Variants in GALNT17 observed in about 807,000 individuals in gnomAD.
GALNT17 encodes the protein polypeptide N-acetylgalactosaminyltransferase 17.
Under a neutral mutation model 63.7 loss-of-function variants are expected in GALNT17, and 29 were observed. That is an observed-to-expected ratio of 0.46 (90% CI 0.34 to 0.62). GALNT17 has a LOEUF of 0.62. Among genes scored for constraint, GALNT17 ranks in the 20% least tolerant of loss-of-function variants. The probability of loss-of-function intolerance (pLI) is 0.01; values close to 1 mark genes in which losing one functional copy is unlikely to be tolerated. For missense variants in GALNT17, 603 were observed against 799.6 expected (o/e 0.75, Z 2.97); for synonymous variants, 305 against 318.3 (o/e 0.96, Z 0.45).
At chr7:71,401,306 A>G (rs556049038) in intron 3 of GALNT17, among the ~76,000 whole-genome samples, 66 of 152,238 alleles carry the variant, frequency 4.3e-4, no homozygotes, top group African/African-American at 1.5e-3. Flanking sequence ...CATGTTGGCC[A>G]GGCTGGTCTC....
At chr7:71,418,626 C>T (rs954137575) in intron 4 of GALNT17, among the ~76,000 whole-genome samples, 1 of 152,194 alleles carries the variant, frequency 6.6e-6, no homozygotes, top group Non-Finnish European at 1.5e-5. Context: ...ATCCCATTGG[C>T]AAACCAATTC....
intron 1 of GALNT17, among the ~76,000 whole-genome samples, chr7:71,259,798 C>T (rs552050623): frequency 2.6e-4 from 40 of 151,958 alleles, no homozygotes; most frequent in African/African-American, 7.7e-4. Flanking sequence ...CCCACCACCA[C>T]GCCTGGCTAA....
At chr7:71,417,704 T>C (rs1786565629) in intron 4 of GALNT17, among the ~76,000 whole-genome samples, 1 of 152,194 alleles carries the variant, frequency 6.6e-6, no homozygotes, top group South Asian at 2.1e-4. Context: ...TGAAAAAGAT[T>C]CAGGCGAATG....
At chr7:71,261,326 A>C (rs1790381815) in intron 1 of GALNT17, among the ~76,000 whole-genome samples, 1 of 152,150 alleles carries the variant, frequency 6.6e-6, no homozygotes, top group Non-Finnish European at 1.5e-5. Flanking sequence ...CAGGTGCTTG[A>C]GGAAGTTATT....
At chr7:71,377,683 A>G (rs926987263) in intron 2 of GALNT17, among the ~76,000 whole-genome samples, 2 of 152,106 alleles carry the variant, frequency 1.3e-5, no homozygotes, top group African/African-American at 4.8e-5. Flanking sequence ...CGTAATCCCC[A>G]TGTGTCAAGG....
chr7:71,379,435 A>T (rs1792803264), intron 2 of GALNT17, among the ~76,000 whole-genome samples: 1 of 151,948 alleles, frequency 6.6e-6, no homozygotes, highest in African/African-American at 2.4e-5. Context: ...TACTCTAGAG[A>T]GGTCATTCTG....
At position 71,655,877 on chromosome 7, in the gene GALNT17, C is replaced by T. The variant is rs78688618; in HGVS notation, c.1081-9534C>T. On this transcript the variant is annotated intron_variant, in intron 6 of 10. Coordinates refer to ENST00000333538, the MANE Select transcript of GALNT17 (RefSeq NM_022479.3). ...CGTTTGGGAAGAGACTCAAATCTAG[C>T]TCGTGTTGAGTTCTATAAGGGCCCT... Among the ~76,000 whole-genome samples the T allele has an allele frequency of 5.3e-3, 813 of 152,136 alleles. 10 individuals are homozygous for T. The highest frequency in any genetic ancestry group is 0.018 in the African/African-American group (751 of 41,500).
At chr7:71,202,102 C>A (rs2116369650) in intron 1 of GALNT17, among the ~76,000 whole-genome samples, 1 of 152,140 alleles carries the variant, frequency 6.6e-6, no homozygotes, top group East Asian at 1.9e-4. Context: ...CATTCCTTTC[C>A]CCCAAATAGT....
chr7:71,665,096 G>A (rs1272016483), intron 6 of GALNT17, among the ~76,000 whole-genome samples: 1 of 152,112 alleles, frequency 6.6e-6, no homozygotes, highest in Middle Eastern at 3.2e-3. Context: ...TTGTGCCTCA[G>A]CCTCCTGAGT....
At chr7:71,320,424 T>A (rs28429863) in intron 1 of GALNT17, among the ~76,000 whole-genome samples, 8 of 145,276 alleles carry the variant, frequency 5.5e-5, no homozygotes, top group Admixed American at 1.4e-4. Flanking sequence ...AAAAAAAAAA[T>A]TTTTTTTTTA....
intron 9 of GALNT17, among the ~76,000 whole-genome samples, chr7:71,698,211 T>G (rs1431647092): frequency 2.0e-5 from 3 of 152,104 alleles, no homozygotes; most frequent in African/African-American, 7.2e-5. Context: ...CCAGACATTT[T>G]CAGATAAACT....
chr7:71,392,048 C>T (rs1793061386), intron 3 of GALNT17, among the ~76,000 whole-genome samples: 1 of 152,138 alleles, frequency 6.6e-6, no homozygotes, highest in African/African-American at 2.4e-5. Flanking sequence ...CCCCATGACC[C>T]AAACATTTCC....
intron 1 of GALNT17, among the ~76,000 whole-genome samples, chr7:71,141,746 G>A (rs1437593585): frequency 6.7e-6 from 1 of 148,224 alleles, no homozygotes; most frequent in African/African-American, 2.5e-5. Flanking sequence ...GCATGATCTC[G>A]GCTCACTGCA....
chr7:71,227,926 A>T (rs970571556), intron 1 of GALNT17, among the ~76,000 whole-genome samples: 14 of 152,018 alleles, frequency 9.2e-5, no homozygotes, highest in Non-Finnish European at 1.8e-4. Flanking sequence ...GCTAGGTGCT[A>T]TGTCGGTTTC....
chr7:71,594,031 T>TG (rs397757426), intron 6 of GALNT17, among the ~76,000 whole-genome samples: 1 of 151,714 alleles, frequency 6.6e-6, no homozygotes, highest in Non-Finnish European at 1.5e-5. Context: ...CATTTTTTTT[T>TG]AATGTTTTGG....
rs537159563 is a variant in GALNT17, at chr7:71,204,934, C to T, written c.238+71894C>T. ...TAAATTTTTGTATTTTTAGTAGAGA[C>T]GGGGTTTCACCATGTTGGCCAGCCT... On this transcript the variant is annotated intron_variant, in intron 1 of 10. Coordinates refer to ENST00000333538, the MANE Select transcript of GALNT17 (RefSeq NM_022479.3). Among the ~76,000 whole-genome samples the T allele has an allele frequency of 6.6e-5, 10 of 151,832 alleles. 1 individual carries two copies. Among genetic ancestry groups the T allele is most frequent in the African/African-American group, 1.4e-4 (6 of 41,454 alleles).
intron 6 of GALNT17, among the ~76,000 whole-genome samples, chr7:71,659,431 G>A (rs1309905955): frequency 6.6e-6 from 1 of 152,158 alleles, no homozygotes; most frequent in African/African-American, 2.4e-5. Context: ...GGTTGTCTTG[G>A]GGGTGTACAG....
At chr7:71,541,230 G>A (rs1418553544) in intron 5 of GALNT17, among the ~76,000 whole-genome samples, 1 of 111,676 alleles carries the variant, frequency 9.0e-6, no homozygotes, top group Non-Finnish European at 1.9e-5. Flanking sequence ...GCAACAAAGC[G>A]AGACACTGTC....
chr7:71,547,620 G>A (rs1407140917), intron 5 of GALNT17, among the ~76,000 whole-genome samples: 1 of 152,022 alleles, frequency 6.6e-6, no homozygotes, highest in African/African-American at 2.4e-5. Context: ...CCCGGCCTCT[G>A]GTTTCAGCCT....
Sources: gnomAD v4.1 joint callset for allele counts (sites outside exome capture counted in the v4.1 genomes callset) on GRCh38, gnomAD v4.1.1 for gene constraint, MANE v1.5 for transcripts, NCBI Gene and HGNC (gene_info 2026-07-23, HGNC 2026-07-21) for gene names.